The following SLC4A5 variants were observed in gnomAD, a reference collection of about 807,000 sequenced individuals.
The protein encoded by SLC4A5 is solute carrier family 4 member 5.
SLC4A5 carries 96 observed loss-of-function variants against 120.4 expected under a neutral mutation model. The observed-to-expected ratio is 0.80, with a 90% CI of 0.68 to 0.94. SLC4A5 has a LOEUF of 0.94. Among genes scored for constraint, SLC4A5 ranks in the 40% least tolerant of loss-of-function variants. SLC4A5 has a pLI of 0.00. For synonymous variants in SLC4A5, 550 were observed against 571.1 expected, an observed-to-expected ratio of 0.96 and a Z score of 0.53; for missense variants, 1,259 against 1,459.5, an observed-to-expected ratio of 0.86 and a Z score of 2.24.
chr2:74,264,190 G>A (rs1671228702), exon 10 of SLC4A5: 3 of 1,614,106 alleles, frequency 1.9e-6, no homozygotes, highest in African/African-American at 1.3e-5. Flanking sequence ...AGGAGCGGTG[G>A]ATGGGCTTCT....
Position 74,328,108 on chromosome 2 carries a change from C to G in SLC4A5, c.-3+12G>C. ...TGTCTACTTTCTCTGAAGCTTCCAG[C>G]TGCAAACTTACCTTTGTGTTCTTAG... On this transcript the variant is annotated intron_variant, in intron 5 of 30. Coordinates refer to ENST00000394019, the Ensembl canonical transcript of SLC4A5. 2.0e-6 allele frequency: 2 copies of G among 985,840 alleles called. No homozygotes were observed. The highest frequency in any genetic ancestry group is 2.4e-6 in the Non-Finnish European group (2 of 829,882). The allele number at this position is 985,840 out of a possible 1,614,324, so 61.1% of individuals were successfully genotyped here.
chr2:74,222,486 G>A (rs1694685754), intron 29 of SLC4A5, among the ~76,000 whole-genome samples: 1 of 152,180 alleles, frequency 6.6e-6, no homozygotes, highest in Non-Finnish European at 1.5e-5. Flanking sequence ...AACAGTAGCA[G>A]AACCAGGCCG....
In SLC4A5 at chr2:74,255,318, A is replaced by G. The variant is rs1670927226; in HGVS notation, c.1025+457T>C. Reference sequence around the variant, plus strand: ...TATTTTTATTTTTTTTCTGAGACGCAGTCTTGCTCTGTTGCCCAGGCTGGG... The same window carrying G: ...TATTTTTATTTTTTTTCTGAGACGCGGTCTTGCTCTGTTGCCCAGGCTGGG... On this transcript the variant is annotated intron_variant, in intron 13 of 30. Coordinates refer to ENST00000394019, the Ensembl canonical transcript of SLC4A5. This position sits in a 1 kb window ranked among gnomAD's most constrained non-coding sequence, Gnocchi z 4.0. Among the ~76,000 whole-genome samples the G allele has an allele frequency of 1.3e-5, 2 of 151,528 alleles. No homozygotes were observed. Among genetic ancestry groups the G allele is most frequent in the Admixed American group, 6.6e-5 (1 of 15,224 alleles).
At chr2:74,239,509 C>T (rs747102393) in exon 21 of SLC4A5, 1 of 1,613,986 alleles carries the variant, frequency 6.2e-7, no homozygotes, top group Non-Finnish European at 8.5e-7. Context: ...GGGACCAGTC[C>T]AACGCTGTGA....
Position 74,252,412 on chromosome 2 carries a change from A to C in SLC4A5, c.1269-24T>G, listed in dbSNP as rs779681982. 7 of 1,602,438 alleles carry C rather than the reference A, an allele frequency of 4.4e-6. No homozygotes were observed. The South Asian group carries it at 7.7e-5, about 18-fold the overall frequency. Reference sequence around the variant, plus strand: ...TCCTGGAAGAGAAGGGGGATGAAGGAGAGTGGGTCCCCCAGAGCACCCCTC... The same window carrying C: ...TCCTGGAAGAGAAGGGGGATGAAGGCGAGTGGGTCCCCCAGAGCACCCCTC... On this transcript the variant is annotated intron_variant, in intron 15 of 30. Transcript: ENST00000394019.
In SLC4A5 at chr2:74,317,118, C is replaced by T. The variant is rs538964898; in HGVS notation, c.-2-2093G>A. Among the ~76,000 whole-genome samples, 69 of 152,300 alleles carry T rather than the reference C, an allele frequency of 4.5e-4. 1 individual carries two copies. Among genetic ancestry groups the T allele is most frequent in the African/African-American group, 1.6e-3 (65 of 41,562 alleles). ...CAACCCAGTCAACTTAAATTCCTGC[C>T]TTTCCCCTCCTCCTTCGAAGTGCCT... On this transcript the variant is annotated intron_variant, in intron 5 of 30. Transcript: ENST00000394019.
chr2:74,264,185 C>A (rs769900938), exon 10 of SLC4A5: 2 of 1,614,118 alleles, frequency 1.2e-6, no homozygotes, highest in Non-Finnish European at 1.7e-6. Flanking sequence ...AGCTAAGGAG[C>A]GGTGGATGGG....
intron 4 of SLC4A5, among the ~76,000 whole-genome samples, chr2:74,328,869 C>T (rs1365003827): frequency 1.3e-5 from 2 of 152,316 alleles, no homozygotes; most frequent in African/African-American, 4.8e-5. Flanking sequence ...AATGAGTTTA[C>T]ATAAACATGT....
exon 31 of SLC4A5, chr2:74,217,036 A>C (rs1432470582): frequency 6.6e-6 from 1 of 152,194 alleles, no homozygotes; most frequent in Admixed American, 6.5e-5. Flanking sequence ...GATTAAATGT[A>C]ATCAAACACT....
At position 74,223,093 on chromosome 2, in the gene SLC4A5, C is replaced by T. The variant is rs181545717; in HGVS notation, c.3247-141G>A. 3.8e-3 allele frequency: 2,002 copies of T among 520,050 alleles called. 10 individuals are homozygous for T. The highest frequency in any genetic ancestry group is 7.1e-3 in the Middle Eastern group (13 of 1,826). 32.2% of individuals were successfully genotyped at this position (520,050 alleles called of 1,614,324 possible). ...GATCTCGGCTCACTGTAACCTCTGCCTCCTGGGTTCAAGTGATTCTCCTGC... is the reference window on the plus strand; with the variant it reads ...GATCTCGGCTCACTGTAACCTCTGCTTCCTGGGTTCAAGTGATTCTCCTGC... On this transcript the variant is annotated intron_variant, in intron 28 of 30. Coordinates refer to ENST00000394019, the Ensembl canonical transcript of SLC4A5.
At chr2:74,248,299 G>C in intron 18 of SLC4A5, 54 bp downstream of exon 18, 1 of 1,600,768 alleles carries the variant, frequency 6.2e-7, no homozygotes, top group Non-Finnish European at 8.5e-7. Flanking sequence ...CCTAGCCCCA[G>C]CATACTGCCC....
rs1313615054 is a variant in SLC4A5, at chr2:74,325,874, AAAGGGG to A, written c.-3+2240_-3+2245del. On this transcript the variant is annotated intron_variant, in intron 5 of 30. Coordinates refer to ENST00000394019, the Ensembl canonical transcript of SLC4A5. ...AGGGAAGGGAGGGGAGGGGAGGGGGAAAGGGGAAGGGGAAGGGGAAGGGAAGGGGAA... is the reference window on the plus strand; with the variant it reads ...AGGGAAGGGAGGGGAGGGGAGGGGGAAAGGGGAAGGGGAAGGGAAGGGGAA... 3.0e-4 allele frequency among the ~76,000 whole-genome samples: 42 copies of A among 139,840 alleles called. 1 individual carries two copies. The highest frequency in any genetic ancestry group is 7.2e-4 in the African/African-American group (27 of 37,642). 91.7% of individuals were successfully genotyped at this position (139,840 alleles called of 152,430 possible).
At chr2:74,299,008 G>A (rs1672403330) in intron 7 of SLC4A5, among the ~76,000 whole-genome samples, 1 of 152,190 alleles carries the variant, frequency 6.6e-6, no homozygotes, top group Non-Finnish European at 1.5e-5. Flanking sequence ...GGGACCTGGT[G>A]GCAGGTAATT....
intron 23 of SLC4A5, 58 bp from the exon 24 acceptor site, chr2:74,232,705 GC>G: frequency 1.1e-5 from 18 of 1,583,532 alleles, no homozygotes; most frequent in Non-Finnish European, 1.5e-5. Flanking sequence ...CCTCCTGGAT[GC>G]AACCATTCTG....
intron 3 of SLC4A5, among the ~76,000 whole-genome samples, chr2:74,337,150 A>G (rs746996197): frequency 1.3e-5 from 2 of 152,192 alleles, no homozygotes; most frequent in Non-Finnish European, 2.9e-5. Flanking sequence ...CCCTGGACTG[A>G]GCCCCACAGA....
chr2:74,321,150 T>C (rs988915079), intron 5 of SLC4A5, among the ~76,000 whole-genome samples: 5 of 152,188 alleles, frequency 3.3e-5, no homozygotes, highest in African/African-American at 1.2e-4. Context: ...TGGATGTAAC[T>C]ATTTGGGGAG....
At chr2:74,233,303 T>G in intron 23 of SLC4A5, 99 bp downstream of exon 23, 2 of 1,415,324 alleles carry the variant, frequency 1.4e-6, no homozygotes, top group South Asian at 2.4e-5. Context: ...CATATTTTCC[T>G]GGCCCAAAGT....
chr2:74,271,187 T>C (rs865998964), intron 8 of SLC4A5, among the ~76,000 whole-genome samples: 3 of 152,312 alleles, frequency 2.0e-5, no homozygotes, highest in Middle Eastern at 3.4e-3. Flanking sequence ...TCATGTAGAA[T>C]GTCCTCTTTC....
At chr2:74,254,635 G>A in exon 14 of SLC4A5, 1 of 1,614,032 alleles carries the variant, frequency 6.2e-7, no homozygotes, top group Non-Finnish European at 8.5e-7. Context: ...TACCATGAGG[G>A]TTGCAATGGC....
Sources: gnomAD v4.1 joint callset for allele counts (sites outside exome capture counted in the v4.1 genomes callset) on GRCh38, gnomAD v4.1.1 for gene constraint, Gnocchi (gnomAD v3.1) non-coding constraint, MANE v1.5 for transcripts, NCBI Gene and HGNC (gene_info 2026-07-23, HGNC 2026-07-21) for gene names.